Variants in CCDC60 observed in about 807,000 individuals in gnomAD.
The protein encoded by CCDC60 is coiled-coil domain containing 60, also known as coiled-coil domain-containing protein 60.
Under a neutral mutation model 63.5 loss-of-function variants are expected in CCDC60, and 54 were observed. The observed-to-expected ratio is 0.85, with a 90% CI of 0.68 to 1.07. The LOEUF is 1.07. CCDC60 is among the 50% of genes least tolerant of loss of function. The probability of loss-of-function intolerance (pLI) is 0.00; values close to 1 mark genes in which losing one functional copy is unlikely to be tolerated. For missense variants in CCDC60, 651 were observed against 684.3 expected, an observed-to-expected ratio of 0.95 and a Z score of 0.54; for synonymous variants, 206 against 238.8, an observed-to-expected ratio of 0.86 and a Z score of 1.27.
intron 1 of CCDC60, among the ~76,000 whole-genome samples, chr12:119,417,201 G>A (rs1431600583): frequency 1.3e-5 from 2 of 151,802 alleles, no homozygotes; most frequent in African/African-American, 4.8e-5. Flanking sequence ...GGGTGATTCT[G>A]CTTCCCAGAG....
chr12:119,469,410 G>A (rs1160660465), intron 2 of CCDC60, among the ~76,000 whole-genome samples: 3 of 152,042 alleles, frequency 2.0e-5, no homozygotes, highest in South Asian at 4.2e-4. Context: ...AGAGGCACCC[G>A]CCACCACCCT....
chr12:119,481,586 CA>C, intron 4 of CCDC60, among the ~76,000 whole-genome samples: 1 of 151,846 alleles, frequency 6.6e-6, no homozygotes, highest in Middle Eastern at 3.4e-3. Context: ...CCAAAAGTCT[CA>C]CAACAGGAAT....
chr12:119,357,744 G>A (rs181830316), intron 1 of CCDC60, among the ~76,000 whole-genome samples: 375 of 152,278 alleles, frequency 2.5e-3, no homozygotes, highest in Non-Finnish European at 3.7e-3. Context: ...GTGAGCCACC[G>A]TGCCTGGCTG....
In CCDC60 at chr12:119,456,188, A is replaced by C. The variant is rs1373509148; in HGVS notation, c.171-15806A>C. On this transcript the variant is annotated intron_variant, in intron 2 of 13. Coordinates refer to ENST00000327554, the MANE Select transcript of CCDC60 (RefSeq NM_178499.5). This position sits in a 1 kb window ranked among gnomAD's most constrained non-coding sequence, Gnocchi z 4.6. ...AGGAGAAGGAAGGACTCAGGACTTC[A>C]CCCTGAGAACAGTAGGAAGCCATTA... is the stretch of plus-strand genomic sequence containing the variant. Among the ~76,000 whole-genome samples the C allele has an allele frequency of 6.6e-6, 1 of 152,180 alleles. No homozygotes were observed. The highest frequency in any genetic ancestry group is 2.4e-5 in the African/African-American group (1 of 41,442).
intron 4 of CCDC60, among the ~76,000 whole-genome samples, chr12:119,481,317 T>C (rs575312046): frequency 1.3e-5 from 2 of 152,318 alleles, no homozygotes; most frequent in South Asian, 4.1e-4. Flanking sequence ...CTTGCACTTC[T>C]GCCCATCTCT....
At chr12:119,512,061 C>T (rs1485162870) in intron 7 of CCDC60, among the ~76,000 whole-genome samples, 1 of 152,148 alleles carries the variant, frequency 6.6e-6, no homozygotes, top group Non-Finnish European at 1.5e-5. Flanking sequence ...TAGATGGCTC[C>T]AAAGTCACTA....
intron 2 of CCDC60, 98 bp from the exon 3 acceptor site, chr12:119,471,896 T>C: frequency 9.8e-7 from 1 of 1,015,604 alleles, no homozygotes; most frequent in Non-Finnish European, 1.5e-6. Context: ...CTCTTTTCTC[T>C]TTCCTCTCTC....
intron 1 of CCDC60, among the ~76,000 whole-genome samples, chr12:119,373,667 TGG>T (rs57046909): frequency 1.3e-4 from 7 of 54,086 alleles, no homozygotes; most frequent in Non-Finnish European, 1.4e-4. Flanking sequence ...CGGGGTGGGG[TGG>T]GGGGGGGTCT....
chr12:119,375,081 C>A (rs962175293), intron 1 of CCDC60, among the ~76,000 whole-genome samples: 1 of 152,102 alleles, frequency 6.6e-6, no homozygotes, highest in Non-Finnish European at 1.5e-5. Context: ...TGCCTAGCCT[C>A]CTGGGAATGC....
At chr12:119,428,461 A>C (rs1956938367) in intron 1 of CCDC60, among the ~76,000 whole-genome samples, 1 of 152,174 alleles carries the variant, frequency 6.6e-6, no homozygotes, top group South Asian at 2.1e-4. Flanking sequence ...ACCAGACAGA[A>C]CCAGGGTCAG....
intron 13 of CCDC60, among the ~76,000 whole-genome samples, chr12:119,532,396 C>CTATTATTATTATTATTATTATTAT (rs71451846): frequency 1.4e-5 from 2 of 142,332 alleles, no homozygotes; most frequent in Non-Finnish European, 3.0e-5. Context: ...CATCACAGAA[C>CTATTATTATTATTATTATTATTAT]TATTATTATT....
chr12:119,394,822 C>T (rs561107864), intron 1 of CCDC60, among the ~76,000 whole-genome samples: 25 of 152,322 alleles, frequency 1.6e-4, no homozygotes, highest in African/African-American at 6.0e-4. Flanking sequence ...GATCAGATCC[C>T]TACCTGAATA....
intron 7 of CCDC60, among the ~76,000 whole-genome samples, chr12:119,506,429 C>T (rs1300509388): frequency 8.2e-6 from 1 of 121,868 alleles, no homozygotes; most frequent in African/African-American, 3.2e-5. Context: ...GTGGTGAAAC[C>T]TCATCTCTCA....
At chr12:119,498,421 C>T (rs545722022) in intron 5 of CCDC60, among the ~76,000 whole-genome samples, 1 of 152,284 alleles carries the variant, frequency 6.6e-6, no homozygotes, top group South Asian at 2.1e-4. Flanking sequence ...CAACCTCCGC[C>T]TCCCAGGTTC....
At chr12:119,465,938 A>G (rs2136314825) in intron 2 of CCDC60, among the ~76,000 whole-genome samples, 1 of 152,348 alleles carries the variant, frequency 6.6e-6, no homozygotes, top group South Asian at 2.1e-4. Flanking sequence ...TAAAACGTGC[A>G]AAGCCAACAT....
At chr12:119,505,787 C>T (rs572687470) in intron 7 of CCDC60, among the ~76,000 whole-genome samples, 2 of 152,206 alleles carry the variant, frequency 1.3e-5, no homozygotes, top group African/African-American at 2.4e-5. Flanking sequence ...ACCTGGGAGG[C>T]GAGGTTGCAG....
intron 2 of CCDC60, among the ~76,000 whole-genome samples, chr12:119,452,123 A>G (rs188695634): frequency 6.6e-6 from 1 of 152,328 alleles, no homozygotes. Context: ...GCTACTTTGC[A>G]TAGAGATATA....
At chr12:119,444,737 C>T (rs918776632) in intron 2 of CCDC60, among the ~76,000 whole-genome samples, 5 of 152,206 alleles carry the variant, frequency 3.3e-5, no homozygotes, top group African/African-American at 1.2e-4. Context: ...ACCATCATCG[C>T]TCTCAGAACC....
At chr12:119,530,315 G>T (rs1952805099) in intron 12 of CCDC60, among the ~76,000 whole-genome samples, 1 of 150,740 alleles carries the variant, frequency 6.6e-6, no homozygotes, top group African/African-American at 2.4e-5. Context: ...GATCACATCT[G>T]AACCATCTCC....
Sources: gnomAD v4.1 joint callset for allele counts (sites outside exome capture counted in the v4.1 genomes callset) on GRCh38, gnomAD v4.1.1 for gene constraint, Gnocchi (gnomAD v3.1) non-coding constraint, MANE v1.5 for transcripts, NCBI Gene and HGNC (gene_info 2026-07-23, HGNC 2026-07-21) for gene names.